The following PRKCB variants were observed in gnomAD, a reference collection of about 807,000 sequenced individuals.
PRKCB encodes the protein protein kinase C beta type.
PRKCB carries 13 observed loss-of-function variants against 81.5 expected under a neutral mutation model. That is an observed-to-expected ratio of 0.16 (90% CI 0.10 to 0.25). The LOEUF is 0.25. PRKCB is among the 10% of genes least tolerant of loss of function. The pLI is 1.00. For missense variants in PRKCB, 509 were observed against 875.7 expected, an observed-to-expected ratio of 0.58 and a Z score of 5.29; for synonymous variants, 335 against 321.4, an observed-to-expected ratio of 1.04 and a Z score of -0.45.
Position 24,160,381 on chromosome 16 carries a change from T to C in PRKCB, c.1239+5524T>C, listed in dbSNP as rs142313132. 6.6e-5 allele frequency among the ~76,000 whole-genome samples: 10 copies of C among 152,180 alleles called. No individual in the cohort carries two copies. The East Asian group carries it at 1.9e-3, about 29-fold the overall frequency. On this transcript the variant is annotated intron_variant, in intron 10 of 16. Coordinates refer to ENST00000643927, the MANE Select transcript of PRKCB (RefSeq NM_002738.7). Reference sequence around the variant, plus strand: ...AAGGTGACACCTCTTTCTGGGGATGTCCTTGAAAATGGTCATCTGGCTCCT... The same window carrying C: ...AAGGTGACACCTCTTTCTGGGGATGCCCTTGAAAATGGTCATCTGGCTCCT...
At chr16:23,879,175 C>T (rs1963065393) in intron 2 of PRKCB, among the ~76,000 whole-genome samples, 1 of 148,290 alleles carries the variant, frequency 6.7e-6, no homozygotes, top group Non-Finnish European at 1.5e-5. Flanking sequence ...GAGACTCCAT[C>T]TCAAAAAAAA....
chr16:24,108,721 G>T (rs1966613956), intron 7 of PRKCB, among the ~76,000 whole-genome samples: 2 of 150,656 alleles, frequency 1.3e-5, no homozygotes, highest in South Asian at 4.3e-4. Flanking sequence ...TCTTAGTACA[G>T]AACAAAATGA....
At chr16:24,162,233 A>T (rs1043071126) in intron 10 of PRKCB, among the ~76,000 whole-genome samples, 5 of 151,996 alleles carry the variant, frequency 3.3e-5, no homozygotes, top group African/African-American at 9.7e-5. Context: ...CCCAAGAATG[A>T]GCCCCGAGAA....
At chr16:24,006,982 A>G (rs1965132237) in intron 3 of PRKCB, among the ~76,000 whole-genome samples, 1 of 152,220 alleles carries the variant, frequency 6.6e-6, no homozygotes, top group Admixed American at 6.5e-5. Context: ...CTGGGAATCC[A>G]TGTGTTAAAA....
intron 5 of PRKCB, among the ~76,000 whole-genome samples, chr16:24,048,092 G>A (rs904367391): frequency 4.6e-5 from 7 of 152,226 alleles, no homozygotes; most frequent in Admixed American, 6.5e-5. Context: ...GAGCAGCCTC[G>A]CTGTCTGGTT....
At chr16:23,882,025 C>CTTTCTTTCTTTCTCTCTCTTT (rs1597226197) in intron 2 of PRKCB, among the ~76,000 whole-genome samples, 1 of 18,330 alleles carries the variant, frequency 5.5e-5, no homozygotes, top group South Asian at 2.7e-3. Flanking sequence ...TTTCTTTCTT[C>CTTTCTTTCTTTCTCTCTCTTT]CTTCCTTCCT....
At chr16:24,007,387 C>T (rs941159569) in intron 3 of PRKCB, among the ~76,000 whole-genome samples, 2 of 152,196 alleles carry the variant, frequency 1.3e-5, no homozygotes, top group African/African-American at 2.4e-5. Flanking sequence ...AAGGCATCTC[C>T]CATGGGCTGG....
At position 24,174,584 on chromosome 16, in the gene PRKCB, A is replaced by G. The variant is rs1475341788; in HGVS notation, c.1394+4A>G. ...AGAGTAAGGGCATCATTTACCGGTAAGTGAACACTGCTGTACTTTCCATCT... is the reference window on the plus strand; with the variant it reads ...AGAGTAAGGGCATCATTTACCGGTAGGTGAACACTGCTGTACTTTCCATCT... On this transcript the variant is annotated splice_donor_region_variant and intron_variant, in intron 12 of 16. Coordinates refer to ENST00000643927, the MANE Select transcript of PRKCB (RefSeq NM_002738.7). The G allele has an allele frequency of 6.2e-7, 1 of 1,611,720 alleles. No homozygotes were observed. Among genetic ancestry groups the G allele is most frequent in the South Asian group, 1.1e-5 (1 of 90,938 alleles).
Position 24,217,308 on chromosome 16 carries a change from A to G in PRKCB, c.*2492A>G, listed in dbSNP as rs954475337. 19 of 985,322 alleles carry G rather than the reference A, an allele frequency of 1.9e-5. No individual in the cohort carries two copies. The African/African-American group carries it at 3.1e-4, about 16-fold the overall frequency. 61.0% of individuals were successfully genotyped at this position (985,322 alleles called of 1,614,324 possible). ...TGTTTTAGAGAAACTTTCCATGGAA[A>G]GTCAGAATTTCTACCACTTCCTTTT... On this transcript the variant is annotated 3_prime_UTR_variant, in exon 17 of 17. Transcript: ENST00000643927.
chr16:23,986,683 T>C (rs1414331998), intron 2 of PRKCB, among the ~76,000 whole-genome samples: 2 of 152,230 alleles, frequency 1.3e-5, no homozygotes, highest in African/African-American at 2.4e-5. Context: ...GTAACCCTCC[T>C]GCAACTCCCA....
intron 3 of PRKCB, among the ~76,000 whole-genome samples, chr16:23,991,133 G>A (rs878919282): frequency 2.6e-5 from 4 of 152,176 alleles, no homozygotes; most frequent in Admixed American, 2.6e-4. Context: ...AGCTCCTGCT[G>A]GTCTTCTGCA....
intron 5 of PRKCB, among the ~76,000 whole-genome samples, chr16:24,080,056 T>C (rs1966229649): frequency 6.6e-6 from 1 of 152,206 alleles, no homozygotes; most frequent in South Asian, 2.1e-4. Context: ...TATGAAAGAT[T>C]TTTGTTTGAA....
chr16:24,056,159 TTCTTTC>T (rs1965900436), intron 5 of PRKCB, among the ~76,000 whole-genome samples: 2 of 152,254 alleles, frequency 1.3e-5, no homozygotes, highest in African/African-American at 4.8e-5. Flanking sequence ...AGTGCACATC[TTCTTTC>T]TCTTTTCCTC....
intron 7 of PRKCB, among the ~76,000 whole-genome samples, chr16:24,100,435 G>A (rs556494189): frequency 1.7e-3 from 257 of 152,244 alleles, no homozygotes; most frequent in Non-Finnish European, 3.0e-3. Context: ...TTCCCTCCAT[G>A]CAGCACCCTC....
chr16:23,865,561 GTGTGTGTGTATA>G lies in PRKCB; in HGVS notation c.205+28159_205+28170del, dbSNP rs1264670879. Among the ~76,000 whole-genome samples the G allele has an allele frequency of 6.3e-3, 89 of 14,154 alleles. 1 individual carries two copies. The highest frequency in any genetic ancestry group is 0.018 in the African/African-American group (81 of 4,578). 9.3% of individuals were successfully genotyped at this position (14,154 alleles called of 152,430 possible). On this transcript the variant is annotated intron_variant, in intron 2 of 16. Coordinates refer to ENST00000643927, the MANE Select transcript of PRKCB (RefSeq NM_002738.7). ...TGTGTGTGTGTGTGTGTGTGTGTGT[GTGTGTGTGTATA>G]TGTATATTTAAATTTTTATATATAA...
At chr16:23,944,835 G>T (rs969830151) in intron 2 of PRKCB, among the ~76,000 whole-genome samples, 1 of 152,210 alleles carries the variant, frequency 6.6e-6, no homozygotes, top group Non-Finnish European at 1.5e-5. Flanking sequence ...TGAATTTCAT[G>T]TGAATTGACT....
intron 2 of PRKCB, among the ~76,000 whole-genome samples, chr16:23,913,642 C>A (rs1312231453): frequency 2.6e-5 from 4 of 152,176 alleles, no homozygotes; most frequent in African/African-American, 9.7e-5. Flanking sequence ...ACGGTGATAT[C>A]TTAGGAGAGG....
intron 5 of PRKCB, among the ~76,000 whole-genome samples, chr16:24,075,183 AC>A (rs1966163305): frequency 6.6e-6 from 1 of 152,134 alleles, no homozygotes; most frequent in South Asian, 2.1e-4. Flanking sequence ...TTTTTCCAAC[AC>A]AATAGCCACA....
intron 2 of PRKCB, among the ~76,000 whole-genome samples, chr16:23,898,620 A>G (rs1963417947): frequency 6.6e-6 from 1 of 152,198 alleles, no homozygotes; most frequent in Non-Finnish European, 1.5e-5. Context: ...CTTTCTTGAC[A>G]AAATGAAGTT....
Sources: allele counts gnomAD v4.1 joint callset (sites outside exome capture counted in the v4.1 genomes callset), GRCh38; gene constraint gnomAD v4.1.1; transcripts MANE v1.5; gene names NCBI Gene and HGNC (gene_info 2026-07-23, HGNC 2026-07-21).